The following CFAP47 variants were observed in gnomAD, a reference collection of about 807,000 sequenced individuals.
CFAP47 encodes the protein cilia and flagella associated protein 47, also known as cilia- and flagella-associated protein 47.
In CFAP47, 29 loss-of-function variants were observed where a neutral mutation model predicts 148.1. That is an observed-to-expected ratio of 0.20 (90% confidence interval 0.15 to 0.27). The LOEUF (loss-of-function observed/expected upper bound fraction) is 0.27, where lower values mean the gene tolerates loss of function less well. Ranked by LOEUF, CFAP47 falls within the 10% of genes least tolerant of loss-of-function variation. The probability of loss-of-function intolerance (pLI) is 1.00; values close to 1 mark genes in which losing one functional copy is unlikely to be tolerated. For missense variants in CFAP47, 1,872 were observed against 1,697.5 expected (o/e 1.10, Z -1.81); for synonymous variants, 664 against 577.3 (o/e 1.15, Z -2.15).
intron 63 of CFAP47, among the ~76,000 whole-genome samples, chrX:36,379,976 GAA>G (rs782161903): frequency 1.9e-5 from 2 of 104,769 alleles, no homozygotes; most frequent in African/African-American, 6.9e-5. Context: ...ATTTTGAATT[GAA>G]AAAAAAAATG....
chrX:36,355,698 A>T (rs1054796830), intron 60 of CFAP47, among the ~76,000 whole-genome samples: 2 of 111,675 alleles, frequency 1.8e-5, no homozygotes. Context: ...AGTTGCTAGG[A>T]TCTGGAAGGG....
chrX:36,261,448 G>A (rs371452901), intron 49 of CFAP47, among the ~76,000 whole-genome samples: 2,139 of 103,049 alleles, frequency 0.021, 28 homozygotes, highest in Non-Finnish European at 0.033. Context: ...AAGGTCTCTG[G>A]TTTTCCTAGG....
intron 49 of CFAP47, among the ~76,000 whole-genome samples, chrX:36,252,171 A>G (rs1349874874): frequency 9.0e-6 from 1 of 110,702 alleles, no homozygotes; most frequent in Non-Finnish European, 1.9e-5. Context: ...TGTAGAAAGC[A>G]TATACATATA....
At chrX:36,328,772 T>TGCAGTCC (rs1556013550) in intron 57 of CFAP47, among the ~76,000 whole-genome samples, 1 of 96,276 alleles carries the variant, frequency 1.0e-5, no homozygotes, top group African/African-American at 3.9e-5. Context: ...ATTGCGCCAC[T>TGCAGTCC]GCAGTCCGCA....
intron 15 of CFAP47, among the ~76,000 whole-genome samples, chrX:35,980,704 C>A (rs972244361): frequency 9.1e-6 from 1 of 110,418 alleles, no homozygotes; most frequent in African/African-American, 3.3e-5. Context: ...TTGCTAAATC[C>A]ATATCTGATG....
At chrX:36,308,970 C>T (rs1941372337) in intron 55 of CFAP47, among the ~76,000 whole-genome samples, 2 of 111,476 alleles carry the variant, frequency 1.8e-5, no homozygotes, top group Admixed American at 1.9e-4. Context: ...TTGGTCAGGA[C>T]ATCACAACTG....
chrX:36,073,713 A>G (rs1454077936), intron 29 of CFAP47, among the ~76,000 whole-genome samples: 3 of 111,216 alleles, frequency 2.7e-5, no homozygotes, highest in African/African-American at 9.8e-5. Context: ...ATAGCCAGGT[A>G]GACAGGTAAT....
At chrX:36,271,775 A>G (rs1008725327) in intron 49 of CFAP47, among the ~76,000 whole-genome samples, 6 of 111,654 alleles carry the variant, frequency 5.4e-5, no homozygotes, top group Non-Finnish European at 1.1e-4. Context: ...ATAAGAGCAA[A>G]CACCAAATTT....
intron 26 of CFAP47, among the ~76,000 whole-genome samples, chrX:36,058,904 A>G (rs746250553): frequency 2.7e-5 from 3 of 112,152 alleles, no homozygotes; most frequent in Admixed American, 9.5e-5. Flanking sequence ...TTAAATGTTA[A>G]TAGCTAATCT....
intron 21 of CFAP47, 86 bp from the exon 22 acceptor site, chrX:36,014,688 T>C (rs1937077837): frequency 3.6e-6 from 1 of 280,417 alleles, no homozygotes; most frequent in East Asian, 5.1e-5. Context: ...AACTGCTTTT[T>C]AAAAACTGCT....
intron 46 of CFAP47, among the ~76,000 whole-genome samples, chrX:36,233,601 T>A (rs1202302020): frequency 8.9e-6 from 1 of 111,745 alleles, no homozygotes; most frequent in African/African-American, 3.3e-5. Context: ...ATTGGAGCAT[T>A]TAGTCCATTT....
intron 10 of CFAP47, 94 bp downstream of exon 10, chrX:35,967,926 T>C (rs1601906621): frequency 6.1e-6 from 2 of 329,104 alleles, no homozygotes; most frequent in East Asian, 9.6e-5. Flanking sequence ...ATAACACTAA[T>C]GATTACAATA....
At chrX:35,932,911 GCCA>G (rs1935853171) in intron 2 of CFAP47, among the ~76,000 whole-genome samples, 1 of 111,209 alleles carries the variant, frequency 9.0e-6, no homozygotes, top group Non-Finnish European at 1.9e-5. Context: ...GGTGTGAGCT[GCCA>G]TGCCTGGCCA....
chrX:36,250,762 A>G (rs1196261932), intron 48 of CFAP47, among the ~76,000 whole-genome samples: 1 of 110,700 alleles, frequency 9.0e-6, no homozygotes, highest in Non-Finnish European at 1.9e-5. Flanking sequence ...TCCACATCGT[A>G]CTGTTTAATT....
At chrX:36,144,548 G>A (rs911153338) in intron 35 of CFAP47, 3 of 998,948 alleles carry the variant, frequency 3.0e-6, no homozygotes, top group East Asian at 6.4e-5. Flanking sequence ...GACTGGCAAC[G>A]TTTTGTTTCT....
intron 46 of CFAP47, 63 bp from the exon 47 acceptor site, chrX:36,235,871 A>G: frequency 2.4e-6 from 1 of 409,861 alleles, no homozygotes. Flanking sequence ...CCAAGAATTC[A>G]TATGTAATTC....
At chrX:36,220,224 A>C (rs1940199817) in intron 45 of CFAP47, among the ~76,000 whole-genome samples, 1 of 111,206 alleles carries the variant, frequency 9.0e-6, no homozygotes, top group Non-Finnish European at 1.9e-5. Flanking sequence ...CTATGTATAT[A>C]ATGTGTATAT....
intron 6 of CFAP47, among the ~76,000 whole-genome samples, chrX:35,952,692 C>G (rs554080412): frequency 1.2e-3 from 139 of 111,799 alleles, no homozygotes; most frequent in Non-Finnish European, 2.2e-3. Flanking sequence ...GTTAATAAAT[C>G]AAGTAATTGT....
intron 49 of CFAP47, among the ~76,000 whole-genome samples, chrX:36,276,586 T>G (rs1941020547): frequency 8.9e-6 from 1 of 111,941 alleles, no homozygotes; most frequent in South Asian, 3.7e-4. Flanking sequence ...CAATCTTCTG[T>G]TATTTACAGA....
Sources: gnomAD v4.1 joint callset for allele counts (sites outside exome capture counted in the v4.1 genomes callset) on GRCh38, gnomAD v4.1.1 for gene constraint, MANE v1.5 for transcripts, NCBI Gene and HGNC (gene_info 2026-07-23, HGNC 2026-07-21) for gene names.